TRAP1: variants seen among roughly 807,000 people sequenced by gnomAD.
TRAP1 encodes TNF receptor associated protein 1.
Under a neutral mutation model 89.1 loss-of-function variants are expected in TRAP1, and 102 were observed. The observed-to-expected ratio is 1.15, with a 90% confidence interval of 0.98 to 1.35. The LOEUF (loss-of-function observed/expected upper bound fraction) is 1.35, where lower values mean the gene tolerates loss of function less well. Ranked by LOEUF, TRAP1 falls within the 40% of genes most tolerant of loss-of-function variation. TRAP1 has a pLI of 0.00. For missense variants in TRAP1, 1,256 were observed against 945.3 expected (o/e 1.33, Z -4.31); for synonymous variants, 508 against 388.0 (o/e 1.31, Z -3.64).
intron 1 of TRAP1, among the ~76,000 whole-genome samples, chr16:3,703,043 G>GGGA (rs564433883): frequency 4.1e-4 from 18 of 43,514 alleles, no homozygotes; most frequent in African/African-American, 7.3e-4. Flanking sequence ...ACTCCGTCTT[G>GGGA]AAAAAAAAAA....
In TRAP1 at chr16:3,677,586, A is replaced by G. The variant is rs757135995; in HGVS notation, c.616T>C (p.Tyr206His). ...KIIGQFGVGF[Y>H]SAFMVADRVE... ...CTGTCAGCCACCATGAAAGCTGAGT[A>G]GAAACCCACTCCAAACTGGCCGATG... Residue 206 changes from tyrosine (Y) to histidine (H), a missense_variant, in exon 6 of 18, where the codon TAC (tyrosine) becomes CAC (histidine). Coordinates refer to ENST00000246957, the MANE Select transcript of TRAP1 (RefSeq NM_016292.3). 4.3e-6 allele frequency: 7 copies of G among 1,614,080 alleles called. No individual in the cohort carries two copies. In the African/African-American group the frequency reaches 9.3e-5, roughly 22 times the overall value.
Position 3,666,024 on chromosome 16 carries a change from A to G in TRAP1, c.1330T>C (p.Tyr444His), listed in dbSNP as rs61756351. Residue 444 changes from tyrosine to histidine, a missense_variant, in exon 12 of 18, where the codon TAC becomes CAC. Physicochemically the swap from Tyr to His is moderately conservative, Grantham distance 83. Transcript: ENST00000246957. ...ATGCCCTCCCGCATGAACAGGCCGT[A>G]ATCTTCAAAAAACTTTGCATACTTC... ...AEKYAKFFED[Y>H]GLFMREGIVT... The G allele has an allele frequency of 6.2e-7, 1 of 1,614,198 alleles. No homozygotes were observed. The highest frequency in any genetic ancestry group is 8.5e-7 in the Non-Finnish European group (1 of 1,180,026).
chr16:3,658,382 AGTGCTGGG>A, intron 17 of TRAP1, 152 bp from the exon 18 acceptor site: 1 of 670,804 alleles, frequency 1.5e-6, no homozygotes, highest in Non-Finnish European at 2.5e-6. Context: ...CGCCTCCCAA[AGTGCTGGG>A]ATTACAGGCG....
At chr16:3,671,671 GGTAGGGGCCTTGTCCCCA>G in intron 11 of TRAP1, 33 bp downstream of exon 11, 2 of 1,587,400 alleles carry the variant, frequency 1.3e-6, no homozygotes, top group Non-Finnish European at 1.7e-6. Flanking sequence ...CAAAGGAGCA[GGTAGGGGCCTTGTCCCCA>G]GCAGGGTCCT....
At chr16:3,703,955 C>T (rs1228434139) in intron 1 of TRAP1, among the ~76,000 whole-genome samples, 1 of 151,690 alleles carries the variant, frequency 6.6e-6, no homozygotes, top group Non-Finnish European at 1.5e-5. Flanking sequence ...GCGGAGCGTG[C>T]AGTGAGCCGA....
At chr16:3,705,773 G>T (rs375418492) in intron 1 of TRAP1, among the ~76,000 whole-genome samples, 1 of 151,874 alleles carries the variant, frequency 6.6e-6, no homozygotes, top group East Asian at 1.9e-4. Flanking sequence ...TCTGCCTCCC[G>T]GGTTCAAGTG....
intron 16 of TRAP1, chr16:3,660,262 C>G (rs2042994137): frequency 6.6e-6 from 1 of 152,192 alleles, no homozygotes; most frequent in Admixed American, 6.5e-5. Flanking sequence ...GCACTGGGGA[C>G]ACAGGTAGGA....
At chr16:3,672,416 C>T (rs931392790) in intron 10 of TRAP1, among the ~76,000 whole-genome samples, 1 of 152,196 alleles carries the variant, frequency 6.6e-6, no homozygotes, top group African/African-American at 2.4e-5. Flanking sequence ...TATAATCTCA[C>T]TCAAACGTAA....
At chr16:3,672,106 G>C (rs2050921975) in intron 10 of TRAP1, among the ~76,000 whole-genome samples, 1 of 152,216 alleles carries the variant, frequency 6.6e-6, no homozygotes, top group African/African-American at 2.4e-5. Flanking sequence ...GGGAGGCCGA[G>C]GTGGGCGGAT....
chr16:3,664,767 C>G, intron 12 of TRAP1: 1 of 332,748 alleles, frequency 3.0e-6, no homozygotes, highest in Non-Finnish European at 5.5e-6. Flanking sequence ...GGCCTGGACC[C>G]AGCGTCTTCC....
rs2050958157 is a variant in TRAP1, at chr16:3,674,395, G to A, written c.988C>T (p.His330Tyr). 1.9e-6 allele frequency: 3 copies of A among 1,614,152 alleles called. No individual in the cohort carries two copies. The highest frequency in any genetic ancestry group is 1.1e-5 in the South Asian group (1 of 91,088). ...TTGAGCGGTGCGTCCGTCTTATAGT[G>A]CAGGGTGTAGCGGGGCTTGTCGTGA... is the stretch of plus-strand genomic sequence containing the variant. ...QAHDKPRYTL[H>Y]YKTDAPLNIR... Residue 330 changes from histidine (H) to tyrosine (Y), a missense_variant, in exon 9 of 18, where the codon CAC becomes TAC. Transcript: ENST00000246957.
chr16:3,683,312 C>A (rs60446263), intron 4 of TRAP1, among the ~76,000 whole-genome samples: 1 of 151,818 alleles, frequency 6.6e-6, no homozygotes, highest in African/African-American at 2.4e-5. Context: ...ACTAAGGAAA[C>A]CTGAATAGAC....
At chr16:3,698,142 A>G (rs1329677872) in intron 1 of TRAP1, among the ~76,000 whole-genome samples, 1 of 151,854 alleles carries the variant, frequency 6.6e-6, no homozygotes, top group African/African-American at 2.4e-5. Flanking sequence ...TATAATATTC[A>G]TTATGGGAGG....
rs566802223 is a variant in TRAP1 at position 3,664,811 on chromosome 16, G to T, written c.1384-352C>A. 1.2e-3 allele frequency: 295 copies of T among 239,072 alleles called. 3 individuals carry two copies. The highest frequency in any genetic ancestry group is 6.4e-3 in the African/African-American group (275 of 43,008). 14.8% of individuals were successfully genotyped at this position (239,072 alleles called of 1,614,324 possible). ...TCAGTGACAGAGTCAGTCTCTGGTGGGCACACGGACACGGGTGAAGTCCAC... is the reference window on the plus strand; with the variant it reads ...TCAGTGACAGAGTCAGTCTCTGGTGTGCACACGGACACGGGTGAAGTCCAC... On this transcript the variant is annotated intron_variant, in intron 12 of 17. Coordinates refer to ENST00000246957, the MANE Select transcript of TRAP1 (RefSeq NM_016292.3).
chr16:3,690,164 G>C (rs2051194038), intron 2 of TRAP1, among the ~76,000 whole-genome samples: 1 of 152,020 alleles, frequency 6.6e-6, no homozygotes, highest in South Asian at 2.1e-4. Flanking sequence ...GTGCTACCAT[G>C]CCTGGCTAAC....
intron 4 of TRAP1, among the ~76,000 whole-genome samples, chr16:3,683,823 T>C (rs1378225944): frequency 6.6e-6 from 1 of 150,928 alleles, no homozygotes. Context: ...TTTTCAGATG[T>C]AGACAGAAAT....
At position 3,658,179 on chromosome 16, in the gene TRAP1, T is replaced by C. The variant is rs1218894578; in HGVS notation, c.2065A>G (p.Met689Val). Residue 689 changes from methionine (M) to valine (V), a missense_variant, in exon 18 of 18, where the codon ATG becomes GTG. Coordinates refer to ENST00000246957, the MANE Select transcript of TRAP1 (RefSeq NM_016292.3). ...AAGLVDDPRA[M>V]VGRLNELLVK... ...AGCAGCTCATTCAAGCGGCCCACCATGGCCCTAGGGTCGTCAACAAGTCCA... is the reference window on the plus strand; with the variant it reads ...AGCAGCTCATTCAAGCGGCCCACCACGGCCCTAGGGTCGTCAACAAGTCCA... The C allele has an allele frequency of 2.5e-6, 4 of 1,614,058 alleles. No homozygotes were observed. The highest frequency in any genetic ancestry group is 2.2e-5 in the South Asian group (2 of 91,082).
chr16:3,692,154 C>G (rs1189747275), intron 1 of TRAP1, among the ~76,000 whole-genome samples: 1 of 152,210 alleles, frequency 6.6e-6, no homozygotes, highest in Non-Finnish European at 1.5e-5. Context: ...TGAACCGCAT[C>G]TAACTGGGAG....
At chr16:3,666,999 T>C (rs551967184) in intron 11 of TRAP1, among the ~76,000 whole-genome samples, 1 of 152,162 alleles carries the variant, frequency 6.6e-6, no homozygotes, top group East Asian at 1.9e-4. Flanking sequence ...ATTTAGAGCC[T>C]TTCCTCCCAC....
Sources: gnomAD v4.1 joint callset for allele counts (sites outside exome capture counted in the v4.1 genomes callset) on GRCh38, gnomAD v4.1.1 for gene constraint, MANE v1.5 for transcripts, NCBI Gene and HGNC (gene_info 2026-07-23, HGNC 2026-07-21) for gene names.